Variants in VTA1 observed in about 807,000 individuals in gnomAD.
VTA1 encodes the protein vacuolar protein sorting-associated protein VTA1 homolog.
A neutral mutation model predicts 36.9 loss-of-function variants in VTA1; 24 were observed. That is an observed-to-expected ratio of 0.65 (90% CI 0.47 to 0.91). The LOEUF is 0.91. Among genes scored for constraint, VTA1 ranks in the 40% least tolerant of loss-of-function variants. The probability of loss-of-function intolerance (pLI) is 0.00; values close to 1 mark genes in which losing one functional copy is unlikely to be tolerated. For synonymous variants in VTA1, 142 were observed against 130.2 expected (o/e 1.09, Z -0.62); for missense variants, 393 against 377.2 (o/e 1.04, Z -0.35).
intron 1 of VTA1, 35 bp from the exon 2 acceptor site, chr6:142,166,193 T>C (rs745709412): frequency 6.8e-7 from 1 of 1,462,998 alleles, no homozygotes; most frequent in Non-Finnish European, 9.5e-7. Context: ...TGTTTAAAAA[T>C]GAAATTGTTC....
intron 5 of VTA1, among the ~76,000 whole-genome samples, chr6:142,197,554 A>C (rs530479551): frequency 3.5e-4 from 53 of 152,336 alleles, no homozygotes; most frequent in African/African-American, 1.3e-3. Context: ...TTCAAAATGA[A>C]ATATCTCATT....
chr6:142,198,113 A>ATGTGTGTGTGTGTGTGTGTGTGTG (rs1414329840), intron 5 of VTA1, among the ~76,000 whole-genome samples: 1 of 116,970 alleles, frequency 8.5e-6, no homozygotes, highest in African/African-American at 3.6e-5. Flanking sequence ...AAATATATAT[A>ATGTGTGTGTGTGTGTGTGTGTGTG]TATATATGTG....
intron 7 of VTA1, among the ~76,000 whole-genome samples, chr6:142,208,036 G>A (rs13204966): frequency 7.1e-4 from 104 of 145,696 alleles, no homozygotes; most frequent in Admixed American, 1.7e-3. Flanking sequence ...GCAGTGAGCC[G>A]AGATCTCCCC....
intron 1 of VTA1, among the ~76,000 whole-genome samples, chr6:142,161,706 A>C (rs1026193554): frequency 6.6e-6 from 1 of 152,116 alleles, no homozygotes; most frequent in South Asian, 2.1e-4. Flanking sequence ...TCCATGTTAG[A>C]CATTAATTTT....
chr6:142,155,051 T>C (rs1778638202), intron 1 of VTA1, among the ~76,000 whole-genome samples: 1 of 152,172 alleles, frequency 6.6e-6, no homozygotes, highest in African/African-American at 2.4e-5. Context: ...TCTTGAGCCA[T>C]TCTTGATATA....
At chr6:142,153,988 G>C (rs1345356565) in intron 1 of VTA1, among the ~76,000 whole-genome samples, 1 of 151,904 alleles carries the variant, frequency 6.6e-6, no homozygotes, top group Non-Finnish European at 1.5e-5. Context: ...ACAATTCACT[G>C]GTTTATTCAG....
intron 4 of VTA1, among the ~76,000 whole-genome samples, chr6:142,181,680 C>T (rs961975600): frequency 1.5e-4 from 23 of 151,218 alleles, no homozygotes; most frequent in Non-Finnish European, 3.2e-4. Context: ...AAACAGTTAC[C>T]GACCTTACCT....
rs1480962430 is a variant in VTA1 at position 142,204,000 on chromosome 6, C to G, written c.713C>G (p.Thr238Ser). 1.9e-6 allele frequency: 3 copies of G among 1,613,292 alleles called. No individual in the cohort carries two copies. The highest frequency in any genetic ancestry group is 2.2e-5 in the South Asian group (2 of 91,082). Residue 238 changes from threonine to serine, a missense_variant, in exon 7 of 8, where the codon ACT (threonine) becomes AGT (serine). Physicochemically the swap from Thr to Ser is moderately conservative, Grantham distance 58 (BLOSUM62 1). Transcript: ENST00000367630. ...VPHSTGVASN[T>S]IQPTPQTIPA... Reference sequence around the variant, plus strand: ...TGATTTGCAGGTGTAGCAAGTAATACTATCCAACCTACTCCACAGACTATA... The same window carrying G: ...TGATTTGCAGGTGTAGCAAGTAATAGTATCCAACCTACTCCACAGACTATA...
At chr6:142,157,019 C>T (rs551554515) in intron 1 of VTA1, among the ~76,000 whole-genome samples, 18 of 152,144 alleles carry the variant, frequency 1.2e-4, no homozygotes, top group Admixed American at 4.6e-4. Flanking sequence ...CAAAAATTAG[C>T]CGGGCGTGGT....
In VTA1 at chr6:142,169,503, C is replaced by T. The variant is rs202004090; in HGVS notation, c.208-47C>T. ...AGAATTGTTTGTAATTAAGTCAACA[C>T]TTCTGAGAGTCCAAAATCATAAGCT... is the stretch of plus-strand genomic sequence containing the variant. On this transcript the variant is annotated intron_variant, in intron 2 of 7. Transcript: ENST00000367630. 3.2e-6 allele frequency: 5 copies of T among 1,576,558 alleles called. No homozygotes were observed. The East Asian group carries it at 1.2e-4, about 36-fold the overall frequency.
At chr6:142,188,908 GT>G (rs1562264222) in intron 4 of VTA1, among the ~76,000 whole-genome samples, 1 of 152,172 alleles carries the variant, frequency 6.6e-6, no homozygotes, top group African/African-American at 2.4e-5. Flanking sequence ...GGTAACTGAG[GT>G]TCAGAGCTGT....
At chr6:142,166,681 G>C (rs181714037) in intron 2 of VTA1, among the ~76,000 whole-genome samples, 6 of 151,544 alleles carry the variant, frequency 4.0e-5, no homozygotes, top group African/African-American at 1.5e-4. Flanking sequence ...TTGCAGTGGC[G>C]TGATCTCTCG....
At chr6:142,151,346 C>A (rs1020979706) in intron 1 of VTA1, among the ~76,000 whole-genome samples, 9 of 152,072 alleles carry the variant, frequency 5.9e-5, no homozygotes, top group African/African-American at 2.2e-4. Flanking sequence ...ATTCTGAATT[C>A]TCAAAATGAT....
At chr6:142,151,988 G>C (rs377760880) in intron 1 of VTA1, among the ~76,000 whole-genome samples, 3 of 152,252 alleles carry the variant, frequency 2.0e-5, no homozygotes, top group East Asian at 3.9e-4. Flanking sequence ...AGCTGAGATC[G>C]TGCAATTGCA....
At chr6:142,153,097 GA>G (rs1243154479) in intron 1 of VTA1, among the ~76,000 whole-genome samples, 2 of 151,910 alleles carry the variant, frequency 1.3e-5, no homozygotes, top group East Asian at 3.9e-4. Flanking sequence ...GATTCTCCTG[GA>G]GGACAGGGAT....
intron 1 of VTA1, among the ~76,000 whole-genome samples, chr6:142,150,389 T>G (rs577221470): frequency 6.6e-6 from 1 of 152,356 alleles, no homozygotes; most frequent in Admixed American, 6.5e-5. Context: ...AAAACTGTTC[T>G]TAACAAAGCT....
At chr6:142,191,693 C>T (rs986950589) in intron 5 of VTA1, among the ~76,000 whole-genome samples, 2 of 152,024 alleles carry the variant, frequency 1.3e-5, no homozygotes, top group Non-Finnish European at 2.9e-5. Flanking sequence ...ACTTTTTCAA[C>T]TCATTAACTT....
intron 7 of VTA1, among the ~76,000 whole-genome samples, chr6:142,210,148 C>T (rs1390574026): frequency 2.0e-5 from 3 of 151,906 alleles, no homozygotes; most frequent in East Asian, 1.9e-4. Context: ...ACAAAGATGC[C>T]GAGAACATAC....
chr6:142,161,785 A>T (rs926864719), intron 1 of VTA1, among the ~76,000 whole-genome samples: 3 of 151,996 alleles, frequency 2.0e-5, no homozygotes, highest in Non-Finnish European at 4.4e-5. Flanking sequence ...TCCTTTTTTC[A>T]TCCCTGTGGC....
Sources: allele counts gnomAD v4.1 joint callset (sites outside exome capture counted in the v4.1 genomes callset), GRCh38; gene constraint gnomAD v4.1.1; transcripts MANE v1.5; gene names NCBI Gene and HGNC (gene_info 2026-07-23, HGNC 2026-07-21).